Variants in FBXL14 observed in about 807,000 individuals in gnomAD.
The protein encoded by FBXL14 is F-box and leucine rich repeat protein 14.
In FBXL14, 11 loss-of-function variants were observed where a neutral mutation model predicts 24.5. The observed-to-expected ratio is 0.45, with a 90% confidence interval of 0.28 to 0.74. The LOEUF is 0.74. Among genes scored for constraint, FBXL14 ranks in the 30% least tolerant of loss-of-function variants. The pLI, the probability that FBXL14 is intolerant of heterozygous loss-of-function variation, is 0.12. For synonymous variants in FBXL14, 294 were observed against 240.4 expected, an observed-to-expected ratio of 1.22 and a Z score of -2.06; for missense variants, 384 against 545.6, an observed-to-expected ratio of 0.70 and a Z score of 2.95.
intron 1 of FBXL14, among the ~76,000 whole-genome samples, chr12:1,581,758 C>G (rs568337464): frequency 6.6e-6 from 1 of 152,270 alleles, no homozygotes; most frequent in South Asian, 2.1e-4. Flanking sequence ...TGGCCACATT[C>G]GCAAGAGATT....
intron 1 of FBXL14, among the ~76,000 whole-genome samples, chr12:1,572,540 C>G (rs2094447108): frequency 6.6e-6 from 1 of 152,196 alleles, no homozygotes; most frequent in Non-Finnish European, 1.5e-5. Flanking sequence ...GTCCAGGGGG[C>G]CCGCCCCATT....
chr12:1,570,453 G>GGT (rs975281964), intron 1 of FBXL14, among the ~76,000 whole-genome samples: 25 of 152,180 alleles, frequency 1.6e-4, no homozygotes, highest in Non-Finnish European at 7.4e-5. Flanking sequence ...TGCAGGAGCT[G>GGT]GTGGTCAGAA....
At position 1,566,625 on chromosome 12, in the gene FBXL14, GC is replaced by G. The variant is rs1310835936; in HGVS notation, c.*122del. 1.4e-6 allele frequency: 1 copy of G among 717,752 alleles called. No individual in the cohort carries two copies. The highest frequency in any genetic ancestry group is 2.5e-5 in the East Asian group (1 of 40,220). 44.5% of individuals were successfully genotyped at this position (717,752 alleles called of 1,614,324 possible). Reference sequence around the variant, plus strand: ...ACCGGAGCAGAAGCCCTGGGCAGCAGCCTCTGCCCGAGCAGTGACAGGCAGG... The same window carrying G: ...ACCGGAGCAGAAGCCCTGGGCAGCAGCTCTGCCCGAGCAGTGACAGGCAGG... On this transcript the variant is annotated 3_prime_UTR_variant, in exon 2 of 2. Transcript: ENST00000339235.
chr12:1,566,189 C>T lies in FBXL14; in HGVS notation c.*559G>A, dbSNP rs1050234438. ...CAGGGCAGGAACAGGGAATGAAATA[C>T]GTAGACATTCCTCTATCTCATGGGG... On this transcript the variant is annotated 3_prime_UTR_variant, in exon 2 of 2. Coordinates refer to ENST00000339235, the MANE Select transcript of FBXL14 (RefSeq NM_152441.3). The T allele has an allele frequency of 6.6e-6, 1 of 152,514 alleles. No individual in the cohort carries two copies. The highest frequency in any genetic ancestry group is 1.5e-5 in the Non-Finnish European group (1 of 68,026). The allele number at this position is 152,514 out of a possible 1,614,324, so 9.4% of individuals were successfully genotyped here. A position where few individuals can be genotyped will look rare whatever the true frequency, so the allele number is the denominator to read the frequency against.
chr12:1,587,008 C>T (rs1236966915), intron 1 of FBXL14, among the ~76,000 whole-genome samples: 2 of 152,238 alleles, frequency 1.3e-5, no homozygotes, highest in African/African-American at 4.8e-5. Context: ...GAGGCCGAGG[C>T]GGGCGGATCA....
chr12:1,569,366 T>G lies in FBXL14; in HGVS notation c.1195-2556A>C, dbSNP rs990684057. 2.7e-5 allele frequency among the ~76,000 whole-genome samples: 4 copies of G among 150,876 alleles called. No individual in the cohort carries two copies. Among genetic ancestry groups the G allele is most frequent in the South Asian group, 2.1e-4 (1 of 4,766 alleles). On this transcript the variant is annotated intron_variant, in intron 1 of 1. Coordinates refer to ENST00000339235, the MANE Select transcript of FBXL14 (RefSeq NM_152441.3). The surrounding 1 kb of genome is among the most constrained non-coding windows in gnomAD (Gnocchi z 4.2). Reference sequence around the variant, plus strand: ...CCTTCTTCCCTCTTCAACCCCACGCTCTCATATGCTAAATAAGAAACCACT... The same window carrying G: ...CCTTCTTCCCTCTTCAACCCCACGCGCTCATATGCTAAATAAGAAACCACT...
intron 1 of FBXL14, among the ~76,000 whole-genome samples, chr12:1,578,031 G>A (rs1178511966): frequency 6.6e-6 from 1 of 152,102 alleles, no homozygotes; most frequent in African/African-American, 2.4e-5. Flanking sequence ...CCTATTTTAG[G>A]TATGCCAGTT....
intron 1 of FBXL14, among the ~76,000 whole-genome samples, chr12:1,583,921 G>A (rs2094471674): frequency 6.6e-6 from 1 of 152,162 alleles, no homozygotes; most frequent in Non-Finnish European, 1.5e-5. Context: ...GTGTAAGAGG[G>A]TTTTTTGTTG....
intron 1 of FBXL14, among the ~76,000 whole-genome samples, chr12:1,591,150 T>C: frequency 6.6e-6 from 1 of 152,232 alleles, no homozygotes. Context: ...TCCAGTCTAA[T>C]CACATTTCTA....
At chr12:1,576,678 T>A (rs996773554) in intron 1 of FBXL14, among the ~76,000 whole-genome samples, 1 of 152,014 alleles carries the variant, frequency 6.6e-6, no homozygotes, top group Admixed American at 6.5e-5. Context: ...AGGCTGTGGG[T>A]TGGGCGCAGT....
intron 1 of FBXL14, among the ~76,000 whole-genome samples, chr12:1,589,889 G>A (rs2154438327): frequency 6.6e-6 from 1 of 152,312 alleles, no homozygotes; most frequent in South Asian, 2.1e-4. Flanking sequence ...ACGTAAAAAG[G>A]AGACAAAACA....
At chr12:1,577,642 C>T (rs761398557) in intron 1 of FBXL14, among the ~76,000 whole-genome samples, 5 of 152,148 alleles carry the variant, frequency 3.3e-5, no homozygotes, top group African/African-American at 4.8e-5. Flanking sequence ...GGGAGATGCC[C>T]GAGAGGACGT....
At chr12:1,577,576 A>C (rs1294540483) in intron 1 of FBXL14, among the ~76,000 whole-genome samples, 1 of 152,234 alleles carries the variant, frequency 6.6e-6, no homozygotes, top group East Asian at 1.9e-4. Flanking sequence ...CCCCGCCCCC[A>C]GGCTGGAGGA....
At chr12:1,576,823 C>G (rs2094456896) in intron 1 of FBXL14, among the ~76,000 whole-genome samples, 1 of 152,182 alleles carries the variant, frequency 6.6e-6, no homozygotes, top group Non-Finnish European at 1.5e-5. Context: ...TAAATATTTA[C>G]TAAGTGAAAG....
intron 1 of FBXL14, among the ~76,000 whole-genome samples, chr12:1,591,933 G>C (rs2094491093): frequency 6.6e-6 from 1 of 152,014 alleles, no homozygotes; most frequent in Non-Finnish European, 1.5e-5. Flanking sequence ...ACATATTTGT[G>C]CTATAAATTA....
rs542036291 is a variant in FBXL14, at chr12:1,569,601, C to T, written c.1195-2791G>A. On this transcript the variant is annotated intron_variant, in intron 1 of 1. Transcript: ENST00000339235. This position sits in a 1 kb window ranked among gnomAD's most constrained non-coding sequence, Gnocchi z 4.2. The stretch of plus-strand genomic sequence containing the variant: ...GTTTTTAGTAGAGATGGGGTTTCAC[C>T]GTGTTAGCCAGGATGGTCTCGATCT... 9.9e-5 allele frequency among the ~76,000 whole-genome samples: 15 copies of T among 152,246 alleles called. No homozygotes were observed. The East Asian group carries it at 2.3e-3, about 24-fold the overall frequency.
intron 1 of FBXL14, chr12:1,574,927 T>C (rs772091074): frequency 1.3e-5 from 2 of 152,138 alleles, no homozygotes; most frequent in Non-Finnish European, 2.9e-5. Context: ...AAAATTATCT[T>C]TGATAAATTT....
chr12:1,581,940 C>T (rs1401359381), intron 1 of FBXL14, among the ~76,000 whole-genome samples: 4 of 152,156 alleles, frequency 2.6e-5, no homozygotes, highest in Non-Finnish European at 5.9e-5. Context: ...GCCTGGCCAA[C>T]ATGGCAAAAC....
At chr12:1,568,952 G>A (rs1469919114) in intron 1 of FBXL14, among the ~76,000 whole-genome samples, 2 of 152,202 alleles carry the variant, frequency 1.3e-5, no homozygotes, top group African/African-American at 4.8e-5. Context: ...TTGTGCTTCT[G>A]TCAGGTCACT....
Sources: gnomAD v4.1 joint callset for allele counts (sites outside exome capture counted in the v4.1 genomes callset) on GRCh38, gnomAD v4.1.1 for gene constraint, Gnocchi (gnomAD v3.1) non-coding constraint, MANE v1.5 for transcripts, NCBI Gene and HGNC (gene_info 2026-07-23, HGNC 2026-07-21) for gene names.